EEF1G: variants seen among roughly 807,000 people sequenced by gnomAD.
EEF1G encodes the protein eukaryotic translation elongation factor 1 gamma, also known as elongation factor 1-gamma.
EEF1G carries 14 observed loss-of-function variants against 58.3 expected under a neutral mutation model. The observed-to-expected ratio is 0.24, with a 90% CI of 0.16 to 0.38. EEF1G has a LOEUF of 0.38. Among genes scored for constraint, EEF1G ranks in the 10% least tolerant of loss-of-function variants. The pLI is 1.00. For missense variants in EEF1G, 322 were observed against 550.1 expected (o/e 0.59, Z 4.15); for synonymous variants, 180 against 206.8 (o/e 0.87, Z 1.11).
intron 7 of EEF1G, among the ~76,000 whole-genome samples, chr11:62,564,544 C>T (rs1248129559): frequency 2.0e-5 from 3 of 149,762 alleles, no homozygotes; most frequent in African/African-American, 4.9e-5. Flanking sequence ...GGGCGGATCA[C>T]GAGGTCAGGA....
At chr11:62,564,773 A>AT (rs1941536719) in intron 7 of EEF1G, among the ~76,000 whole-genome samples, 1 of 104,860 alleles carries the variant, frequency 9.5e-6, no homozygotes, top group African/African-American at 2.9e-5. Context: ...AAAAAAAAAA[A>AT]AAAAAAAAAG....
rs368954257 is a variant in EEF1G, at chr11:62,572,657, G to C, written c.98C>G (p.Ser33Cys). The change falls in exon 2 of 10, where the codon TCC becomes TGC. Residue 33 changes from serine to cysteine, a missense_variant. Ser to Cys is a moderately radical substitution (Grantham distance 112, BLOSUM62 -1). Transcript: ENST00000329251. ...QYSGAQVRVL[S>C]APPHFHFGQT... ...GCCAAAATGGAAGTGGGGTGGTGCG[G>C]AGAGCACGCGGACCTGAGCCCCGCT... 20 of 1,612,708 alleles carry C rather than the reference G, an allele frequency of 1.2e-5. No homozygotes were observed. In the African/African-American group the frequency reaches 2.1e-4, roughly 17 times the overall value.
In EEF1G at chr11:62,571,428, T is replaced by C. The variant is rs1445764708; in HGVS notation, c.378+112A>G. The stretch of plus-strand genomic sequence containing the variant: ...GTACCCTAGAGATTACGTCTTCTCA[T>C]TGCCTACATATCCTTGGCATCTTTT... On this transcript the variant is annotated intron_variant, in intron 4 of 9. Transcript: ENST00000329251. 7 of 1,430,544 alleles carry C rather than the reference T, an allele frequency of 4.9e-6. No individual in the cohort carries two copies. In the Admixed American group the frequency reaches 1.6e-4, roughly 32 times the overall value. 88.6% of individuals were successfully genotyped at this position (1,430,544 alleles called of 1,614,324 possible). A position where few individuals can be genotyped will look rare whatever the true frequency, so the allele number is the denominator to read the frequency against.
chr11:62,572,002 T>C (rs892192573), intron 2 of EEF1G, 101 bp from the exon 3 acceptor site: 13 of 981,534 alleles, frequency 1.3e-5, no homozygotes, highest in Admixed American at 4.1e-5. Flanking sequence ...ATAAGGCTGA[T>C]GATTCTCACT....
intron 5 of EEF1G, among the ~76,000 whole-genome samples, chr11:62,569,769 C>T (rs1941604366): frequency 6.6e-6 from 1 of 152,182 alleles, no homozygotes; most frequent in Non-Finnish European, 1.5e-5. Flanking sequence ...AGATGATCCC[C>T]ATGAGGCCCC....
chr11:62,571,201 A>G, intron 4 of EEF1G, 93 bp from the exon 5 acceptor site: 4 of 1,571,186 alleles, frequency 2.5e-6, no homozygotes, highest in Non-Finnish European at 3.5e-6. Flanking sequence ...ATTTTCACCT[A>G]GAAGTCTGAG....
intron 7 of EEF1G, among the ~76,000 whole-genome samples, chr11:62,561,133 C>T (rs757244402): frequency 1.3e-5 from 2 of 152,142 alleles, no homozygotes. Context: ...TGGCCAGATG[C>T]GGTGGCTCAC....
In EEF1G at chr11:62,567,570, C is replaced by G. The variant is rs376662848; in HGVS notation, c.523-42G>C. The G allele has an allele frequency of 4.7e-5, 72 of 1,532,556 alleles. No individual in the cohort carries two copies. The East Asian group carries it at 1.3e-3, about 27-fold the overall frequency. The allele number at this position is 1,532,556 out of a possible 1,614,324, so 94.9% of individuals were successfully genotyped here. On this transcript the variant is annotated intron_variant, in intron 5 of 9. Coordinates refer to ENST00000329251, the MANE Select transcript of EEF1G (RefSeq NM_001404.5). Reference sequence around the variant, plus strand: ...GTGTAAACAAAGTCAGTGGAAAGGCCCTGAAGAGTTCTGTTCACAGCAAGA... The same window carrying G: ...GTGTAAACAAAGTCAGTGGAAAGGCGCTGAAGAGTTCTGTTCACAGCAAGA...
rs1941603815 is a variant in EEF1G at position 62,569,715 on chromosome 11, T to C, written c.522+1250A>G. On this transcript the variant is annotated intron_variant, in intron 5 of 9. Transcript: ENST00000329251. Reference sequence around the variant, plus strand: ...AGTCAGAGTGCTGGTTCCACAGTACTTGGGTTCAAATTCTACTCTACCACT... The same window carrying C: ...AGTCAGAGTGCTGGTTCCACAGTACCTGGGTTCAAATTCTACTCTACCACT... Among the ~76,000 whole-genome samples, 6 of 152,336 alleles carry C rather than the reference T, an allele frequency of 3.9e-5. No homozygotes were observed. The South Asian group carries it at 1.0e-3, about 26-fold the overall frequency.
In EEF1G at chr11:62,559,810, C is replaced by T. The variant is rs1941475302; in HGVS notation, c.1183G>A (p.Glu395Lys). Residue 395 changes from glutamate to lysine, a missense_variant, in exon 10 of 10, where the codon GAG becomes AAG. By Grantham distance (56) the Glu-to-Lys change is moderately conservative. Transcript: ENST00000329251. ...TCCAGTTTCCGCCATGTGTATGACTCGTAGTCCACCTGCCAATCTGGACTC... is the reference window on the plus strand; with the variant it reads ...TCCAGTTTCCGCCATGTGTATGACTTGTAGTCCACCTGCCAATCTGGACTC... ...PLSPDWQVDY[E>K]SYTWRKLDPG... The T allele has an allele frequency of 1.9e-6, 3 of 1,613,972 alleles. No individual in the cohort carries two copies. Among genetic ancestry groups the T allele is most frequent in the Non-Finnish European group, 8.5e-7 (1 of 1,179,886 alleles).
intron 7 of EEF1G, among the ~76,000 whole-genome samples, chr11:62,565,313 G>C (rs1009236337): frequency 2.0e-5 from 3 of 151,948 alleles, no homozygotes; most frequent in Non-Finnish European, 4.4e-5. Flanking sequence ...TTGAGTACAG[G>C]AGGTCAAGAC....
chr11:62,572,537 G>C, intron 2 of EEF1G, 47 bp downstream of exon 2: 1 of 1,607,388 alleles, frequency 6.2e-7, no homozygotes, highest in South Asian at 1.1e-5. Flanking sequence ...GAATCGCAGG[G>C]CCTTGGTTTC....
intron 4 of EEF1G, 97 bp downstream of exon 4, chr11:62,571,443 T>C: frequency 6.8e-7 from 1 of 1,465,090 alleles, no homozygotes; most frequent in Non-Finnish European, 9.1e-7. Flanking sequence ...TACATATCCT[T>C]GGCATCTTTT....
At chr11:62,565,507 T>C (rs1053661640) in intron 7 of EEF1G, among the ~76,000 whole-genome samples, 8 of 152,138 alleles carry the variant, frequency 5.3e-5, no homozygotes, top group Admixed American at 4.6e-4. Context: ...GTTTATTAAA[T>C]AAAGATTTTA....
At chr11:62,568,004 C>G (rs145221532) in intron 5 of EEF1G, among the ~76,000 whole-genome samples, 1 of 150,894 alleles carries the variant, frequency 6.6e-6, no homozygotes, top group Non-Finnish European at 1.5e-5. Context: ...CCGAGGCGGG[C>G]GGATCACGAG....
intron 6 of EEF1G, 145 bp from the exon 7 acceptor site, chr11:62,567,155 ACT>A: frequency 1.0e-6 from 1 of 959,952 alleles, no homozygotes; most frequent in Non-Finnish European, 1.6e-6. Flanking sequence ...TCATCAGTTC[ACT>A]GTGTGTCCTC....
intron 7 of EEF1G, among the ~76,000 whole-genome samples, chr11:62,565,537 T>A (rs1323940527): frequency 6.6e-6 from 1 of 151,986 alleles, no homozygotes. Flanking sequence ...CTGCCTCATT[T>A]ATTTCCTGCC....
At position 62,560,132 on chromosome 11, in the gene EEF1G, T is replaced by G. The variant is rs551315917; in HGVS notation, c.1092A>C (p.Gly364=). The change falls in exon 9 of 10, where the codon GGA becomes GGC. Residue 364 remains glycine (G), a synonymous_variant. Coordinates refer to ENST00000329251, the MANE Select transcript of EEF1G (RefSeq NM_001404.5). ...CAGAAATGGAGCTGCTATTGTTGGT[T>G]CCAAAAAGGATGACACTGGCGAAGG... ...KNAFASVILF[G]TNNSSSISGV... 3 of 1,614,016 alleles carry G rather than the reference T, an allele frequency of 1.9e-6. No individual in the cohort carries two copies. The East Asian group carries it at 6.7e-5, about 36-fold the overall frequency.
Position 62,559,928 on chromosome 11 carries a change from A to G in EEF1G, c.1156-91T>C, listed in dbSNP as rs1343776592. Reference sequence around the variant, plus strand: ...GCTCAAACACATGTCATCAGACCCCAGGTCTCCTGTGAACATGAACTGCTC... The same window carrying G: ...GCTCAAACACATGTCATCAGACCCCGGGTCTCCTGTGAACATGAACTGCTC... On this transcript the variant is annotated intron_variant, in intron 9 of 9. Transcript: ENST00000329251. The G allele has an allele frequency of 5.0e-6, 8 of 1,607,360 alleles. No individual in the cohort carries two copies. The East Asian group carries it at 1.3e-4, about 27-fold the overall frequency.
Sources: allele counts gnomAD v4.1 joint callset (sites outside exome capture counted in the v4.1 genomes callset), GRCh38; gene constraint gnomAD v4.1.1; transcripts MANE v1.5; gene names NCBI Gene and HGNC (gene_info 2026-07-23, HGNC 2026-07-21).